Variants in CNBD1 observed in about 807,000 individuals in gnomAD.
CNBD1 encodes the protein cyclic nucleotide-binding domain-containing protein 1.
CNBD1 carries 71 observed loss-of-function variants against 54.4 expected under a neutral mutation model. That is an observed-to-expected ratio of 1.30 (90% CI 1.08 to 1.59). The LOEUF (loss-of-function observed/expected upper bound fraction) is 1.59. Ranked by LOEUF, CNBD1 falls within the 40% of genes most tolerant of loss-of-function variation. The pLI is 0.00. For synonymous variants in CNBD1, 182 were observed against 170.7 expected (o/e 1.07, Z -0.51); for missense variants, 659 against 518.0 (o/e 1.27, Z -2.64).
rs1331468746 is a variant in CNBD1 at position 87,163,474 on chromosome 8, T to C, written c.432-42519T>C. On this transcript the variant is annotated intron_variant, in intron 4 of 10. Transcript: ENST00000518476. The surrounding 1 kb of genome is among the most constrained non-coding windows in gnomAD (Gnocchi z 4.5). Reference sequence around the variant, plus strand: ...AATACAAGGTATCTTTCCATTTATTTGTGTCTTCTTCAATTTCCTATTCAA... The same window carrying C: ...AATACAAGGTATCTTTCCATTTATTCGTGTCTTCTTCAATTTCCTATTCAA... Among the ~76,000 whole-genome samples the C allele has an allele frequency of 1.3e-5, 2 of 152,044 alleles. No individual in the cohort carries two copies. Among genetic ancestry groups the C allele is most frequent in the African/African-American group, 2.4e-5 (1 of 41,444 alleles).
intron 4 of CNBD1, among the ~76,000 whole-genome samples, chr8:86,969,075 G>T (rs1808159934): frequency 6.6e-6 from 1 of 152,148 alleles, no homozygotes; most frequent in African/African-American, 2.4e-5. Context: ...GTGTGATCCA[G>T]TTCCCAGCTC....
At chr8:87,336,805 A>G (rs900869595) in intron 8 of CNBD1, among the ~76,000 whole-genome samples, 4 of 151,848 alleles carry the variant, frequency 2.6e-5, no homozygotes, top group Admixed American at 1.3e-4. Flanking sequence ...GTGTTTTTTC[A>G]TTGATTCTTT....
At chr8:86,982,971 G>A (rs1166366784) in intron 4 of CNBD1, among the ~76,000 whole-genome samples, 1 of 152,142 alleles carries the variant, frequency 6.6e-6, no homozygotes, top group African/African-American at 2.4e-5. Flanking sequence ...TTAAAAGTAT[G>A]AGTTTCTTAA....
intron 2 of CNBD1, among the ~76,000 whole-genome samples, chr8:86,893,510 G>T (rs948969923): frequency 3.9e-5 from 6 of 152,060 alleles, no homozygotes; most frequent in African/African-American, 1.4e-4. Flanking sequence ...CAAATTAGAG[G>T]AGTTGCTATA....
chr8:87,138,379 A>G (rs1458443447), intron 4 of CNBD1, among the ~76,000 whole-genome samples: 1 of 152,144 alleles, frequency 6.6e-6, no homozygotes, highest in Non-Finnish European at 1.5e-5. Flanking sequence ...AGTGGTGACC[A>G]TTTGCTGTCC....
At chr8:86,945,984 T>C (rs7822655) in intron 4 of CNBD1, among the ~76,000 whole-genome samples, 81,980 of 151,988 alleles carry the variant, frequency 0.54, 22,458 homozygotes, top group Admixed American at 0.61. Context: ...CTCTAATCAT[T>C]AGTTGTATGA....
chr8:87,117,898 A>C (rs1811806891), intron 4 of CNBD1, among the ~76,000 whole-genome samples: 1 of 152,220 alleles, frequency 6.6e-6, no homozygotes, highest in African/African-American at 2.4e-5. Context: ...CCATGTAATA[A>C]GAACTTAGGA....
intron 4 of CNBD1, among the ~76,000 whole-genome samples, chr8:86,953,683 A>G (rs948165687): frequency 1.3e-5 from 2 of 152,186 alleles, no homozygotes; most frequent in Middle Eastern, 3.4e-3. Flanking sequence ...CCTGGCCAAC[A>G]TAGTGTGACC....
intron 3 of CNBD1, among the ~76,000 whole-genome samples, chr8:86,916,451 G>A (rs1483996445): frequency 6.6e-6 from 1 of 152,132 alleles, no homozygotes; most frequent in Non-Finnish European, 1.5e-5. Context: ...CACTTGGGAG[G>A]TGAGCATGCA....
chr8:87,353,924 A>G (rs2130930073), intron 10 of CNBD1, 138 bp downstream of exon 10: 3 of 569,676 alleles, frequency 5.3e-6, no homozygotes, highest in Non-Finnish European at 6.1e-6. Flanking sequence ...TATTTGCATA[A>G]TCTCCTCCAG....
intron 4 of CNBD1, among the ~76,000 whole-genome samples, chr8:86,951,652 A>C (rs1187711646): frequency 4.9e-5 from 7 of 142,660 alleles, no homozygotes; most frequent in African/African-American, 1.8e-4. Flanking sequence ...ATTAGCTTTT[A>C]AATTATTTTA....
intron 4 of CNBD1, among the ~76,000 whole-genome samples, chr8:87,034,868 A>G (rs569376910): frequency 6.6e-6 from 1 of 152,306 alleles, no homozygotes; most frequent in Non-Finnish European, 1.5e-5. Flanking sequence ...ATACATATAT[A>G]TAGATTTGGA....
chr8:87,220,803 T>C (rs1422054319), intron 5 of CNBD1, among the ~76,000 whole-genome samples: 1 of 152,052 alleles, frequency 6.6e-6, no homozygotes, highest in African/African-American at 2.4e-5. Context: ...TTGGATTATT[T>C]ATTTATGACA....
At chr8:86,960,188 C>T (rs549574056) in intron 4 of CNBD1, among the ~76,000 whole-genome samples, 29 of 152,206 alleles carry the variant, frequency 1.9e-4, no homozygotes, top group African/African-American at 5.5e-4. Context: ...GGTGGGGCAT[C>T]GCCTCACCCA....
intron 8 of CNBD1, among the ~76,000 whole-genome samples, chr8:87,308,208 T>C (rs1484986737): frequency 6.6e-6 from 1 of 152,110 alleles, no homozygotes; most frequent in African/African-American, 2.4e-5. Context: ...GGGATGGAAT[T>C]TGTTGTTCAG....
intron 3 of CNBD1, among the ~76,000 whole-genome samples, chr8:86,932,594 C>T (rs73269875): frequency 0.055 from 8,405 of 152,214 alleles, 746 homozygotes; most frequent in African/African-American, 0.19. Context: ...TGCCTTCCCT[C>T]TTACAGAAAA....
At chr8:87,169,954 G>A (rs936253636) in intron 4 of CNBD1, among the ~76,000 whole-genome samples, 3 of 152,058 alleles carry the variant, frequency 2.0e-5, no homozygotes, top group African/African-American at 4.8e-5. Flanking sequence ...AATGTCATTA[G>A]TATTTTGATA....
intron 10 of CNBD1, among the ~76,000 whole-genome samples, chr8:87,378,469 T>G (rs1018534295): frequency 1.3e-5 from 2 of 151,144 alleles, no homozygotes; most frequent in Non-Finnish European, 2.9e-5. Context: ...GTTGTAGATA[T>G]GTGGCATTAT....
chr8:86,935,887 TA>T (rs35906627), intron 3 of CNBD1, among the ~76,000 whole-genome samples: 45,171 of 151,968 alleles, frequency 0.3, 6,928 homozygotes, highest in East Asian at 0.38. Flanking sequence ...CTCATGCCTG[TA>T]ATCCTAGCAC....
Sources: allele counts gnomAD v4.1 joint callset (sites outside exome capture counted in the v4.1 genomes callset), GRCh38; gene constraint gnomAD v4.1.1; non-coding constraint Gnocchi (gnomAD v3.1); transcripts MANE v1.5; gene names NCBI Gene and HGNC (gene_info 2026-07-23, HGNC 2026-07-21).